KLHL8: variants seen among roughly 807,000 people sequenced by gnomAD.
The protein encoded by KLHL8 is kelch-like protein 8.
Under a neutral mutation model 63.5 loss-of-function variants are expected in KLHL8, and 38 were observed. The ratio of observed to expected loss-of-function variants is 0.60; its 90% CI spans 0.46 to 0.78. The LOEUF (loss-of-function observed/expected upper bound fraction) is 0.78. Among genes scored for constraint, KLHL8 ranks in the 30% least tolerant of loss-of-function variants. The pLI is 0.00. For synonymous variants in KLHL8, 224 were observed against 254.3 expected (o/e 0.88, Z 1.13); for missense variants, 566 against 752.4 (o/e 0.75, Z 2.90).
rs574581811 is a variant in KLHL8 at position 87,190,002 on chromosome 4, C to G, written c.217-4203G>C. On this transcript the variant is annotated intron_variant, in intron 2 of 9. Transcript: ENST00000273963. ...TGAGCTGAGATTGTGCCACTGCACT[C>G]CAGCCTGGGCAACAGAGTGAGCCTC... Among the ~76,000 whole-genome samples, 476 of 142,818 alleles carry G rather than the reference C, an allele frequency of 3.3e-3. 2 individuals are homozygous for G. The highest frequency in any genetic ancestry group is 0.012 in the African/African-American group (464 of 38,794). The allele number at this position is 142,818 out of a possible 152,430, so 93.7% of individuals were successfully genotyped here.
chr4:87,233,373 A>C (rs1486368752), intron 1 of KLHL8, among the ~76,000 whole-genome samples: 1 of 152,116 alleles, frequency 6.6e-6, no homozygotes, highest in Non-Finnish European at 1.5e-5. Flanking sequence ...GGATCACTTG[A>C]GGTCAGGAGT....
chr4:87,203,485 T>C (rs969925111), intron 1 of KLHL8, among the ~76,000 whole-genome samples: 4 of 148,400 alleles, frequency 2.7e-5, no homozygotes, highest in Non-Finnish European at 4.4e-5. Flanking sequence ...AGCCAAAATG[T>C]GCCACTGCAC....
intron 1 of KLHL8, among the ~76,000 whole-genome samples, chr4:87,205,627 C>T (rs1227952281): frequency 6.6e-6 from 1 of 152,050 alleles, no homozygotes; most frequent in Non-Finnish European, 1.5e-5. Context: ...CCATACAGGG[C>T]TAATTTTTGT....
upstream of KLHL8, among the ~76,000 whole-genome samples, chr4:87,221,815 T>G (rs926705697): frequency 3.3e-5 from 5 of 152,226 alleles, no homozygotes; most frequent in Non-Finnish European, 1.5e-5. Context: ...TTTCAAAATA[T>G]TCCTCTTTAG....
chr4:87,239,716 G>A (rs1733295231), intron 1 of KLHL8, among the ~76,000 whole-genome samples: 1 of 152,096 alleles, frequency 6.6e-6, no homozygotes, highest in Non-Finnish European at 1.5e-5. Flanking sequence ...AGAACCTTGG[G>A]CTGAAACTAC....
upstream of KLHL8, chr4:87,221,487 G>A (rs1211556327): frequency 6.6e-6 from 1 of 151,502 alleles, no homozygotes; most frequent in Non-Finnish European, 1.5e-5. Context: ...GAATGTGTGA[G>A]GCGGGAGATC....
At chr4:87,175,468 C>T (rs1730787203) in intron 6 of KLHL8, among the ~76,000 whole-genome samples, 1 of 152,148 alleles carries the variant, frequency 6.6e-6, no homozygotes, top group African/African-American at 2.4e-5. Context: ...ATGTTGTACT[C>T]GTGGGATTGA....
At chr4:87,212,464 C>T (rs942286740) in intron 1 of KLHL8, among the ~76,000 whole-genome samples, 1 of 151,998 alleles carries the variant, frequency 6.6e-6, no homozygotes. Flanking sequence ...CTTGTAGTCC[C>T]AGCTACTCAG....
intron 2 of KLHL8, among the ~76,000 whole-genome samples, chr4:87,194,007 T>A (rs1731596049): frequency 6.6e-6 from 1 of 152,238 alleles, no homozygotes; most frequent in African/African-American, 2.4e-5. Context: ...GTGTTAACTA[T>A]AGGATCACTT....
At position 87,163,618 on chromosome 4, in the gene KLHL8, A is replaced by C. The variant is rs1265640328; in HGVS notation, c.1764T>G (p.Ser588=). ...CTACTCCTGCTCCAGCTCTGCAGTG[A>C]GACACAGATCCAACAAGCTCCCACC... is the stretch of plus-strand genomic sequence containing the variant. ...LNRWELVGSV[S]HCRAGAGVAV... The change falls in exon 10 of 10, where the codon TCT becomes TCG. Residue 588 remains serine (S), a synonymous_variant. Transcript: ENST00000273963. 16 of 1,614,138 alleles carry C rather than the reference A, an allele frequency of 9.9e-6. No individual in the cohort carries two copies. Among genetic ancestry groups the C allele is most frequent in the Non-Finnish European group, 1.4e-5 (16 of 1,180,004 alleles).
At chr4:87,189,176 G>T (rs929068608) in intron 2 of KLHL8, among the ~76,000 whole-genome samples, 2 of 152,224 alleles carry the variant, frequency 1.3e-5, no homozygotes, top group African/African-American at 4.8e-5. Flanking sequence ...AGCCTTACTT[G>T]AACACAGGTT....
intron 5 of KLHL8, among the ~76,000 whole-genome samples, chr4:87,178,056 AAG>A (rs1373318591): frequency 1.3e-5 from 2 of 152,148 alleles, no homozygotes; most frequent in African/African-American, 4.8e-5. Flanking sequence ...TATAATAAAA[AAG>A]TGATCTTTTA....
At chr4:87,207,470 C>A in intron 1 of KLHL8, 1 of 750,406 alleles carries the variant, frequency 1.3e-6, no homozygotes, top group South Asian at 1.4e-5. Flanking sequence ...GTTGACGCCC[C>A]CATGTTAGTG....
At chr4:87,171,344 AG>A (rs1192732389) in intron 6 of KLHL8, among the ~76,000 whole-genome samples, 5 of 152,236 alleles carry the variant, frequency 3.3e-5, no homozygotes, top group Non-Finnish European at 7.3e-5. Flanking sequence ...TAAAGCACTA[AG>A]AACAATGTCT....
chr4:87,212,502 C>T (rs1037968981), intron 1 of KLHL8, among the ~76,000 whole-genome samples: 10 of 151,970 alleles, frequency 6.6e-5, no homozygotes, highest in African/African-American at 2.4e-4. Context: ...ATCATCTGAG[C>T]CCAGGGAGGT....
At chr4:87,236,384 T>A in intron 1 of KLHL8, among the ~76,000 whole-genome samples, 1 of 151,782 alleles carries the variant, frequency 6.6e-6, no homozygotes, top group Non-Finnish European at 1.5e-5. Flanking sequence ...AATTTTTGTA[T>A]TTTTGGTAGA....
chr4:87,207,775 A>G, intron 1 of KLHL8: 1 of 875,832 alleles, frequency 1.1e-6, no homozygotes, highest in Non-Finnish European at 1.9e-6. Context: ...GCTCACTGGC[A>G]TGGCCTTCTG....
At chr4:87,194,488 T>C (rs931227745) in intron 2 of KLHL8, among the ~76,000 whole-genome samples, 6 of 152,132 alleles carry the variant, frequency 3.9e-5, no homozygotes, top group African/African-American at 1.4e-4. Context: ...CTGGGCAACA[T>C]AGCAAGACCC....
intron 1 of KLHL8, among the ~76,000 whole-genome samples, chr4:87,232,855 T>G (rs573722277): frequency 2.0e-5 from 3 of 152,182 alleles, no homozygotes; most frequent in Non-Finnish European, 4.4e-5. Flanking sequence ...AAATCCATGT[T>G]CAATTTGTTG....
Sources: allele counts gnomAD v4.1 joint callset (sites outside exome capture counted in the v4.1 genomes callset), GRCh38; gene constraint gnomAD v4.1.1; transcripts MANE v1.5; gene names NCBI Gene and HGNC (gene_info 2026-07-23, HGNC 2026-07-21).